COL27A1: variants seen among roughly 807,000 people sequenced by gnomAD.
COL27A1 encodes collagen type XXVII alpha 1 chain.
COL27A1 carries 106 observed loss-of-function variants against 251.3 expected under a neutral mutation model. The observed-to-expected ratio is 0.42, with a 90% CI of 0.36 to 0.50. The LOEUF (loss-of-function observed/expected upper bound fraction) is 0.50. Among genes scored for constraint, COL27A1 ranks in the 20% least tolerant of loss-of-function variants. The probability of loss-of-function intolerance (pLI) is 0.00; values close to 1 mark genes in which losing one functional copy is unlikely to be tolerated. For missense variants in COL27A1, 2,325 were observed against 2,522.8 expected (o/e 0.92, Z 1.68); for synonymous variants, 1,000 against 986.3 (o/e 1.01, Z -0.26).
At chr9:114,207,954 G>A (rs1048965703) in intron 10 of COL27A1, among the ~76,000 whole-genome samples, 7 of 152,238 alleles carry the variant, frequency 4.6e-5, no homozygotes, top group African/African-American at 1.7e-4. Flanking sequence ...AAGGAGAGAT[G>A]GTTGTGAGCC....
At chr9:114,293,232 CAGAG>C (rs1169190696) in intron 49 of COL27A1, among the ~76,000 whole-genome samples, 2 of 152,092 alleles carry the variant, frequency 1.3e-5, no homozygotes, top group Non-Finnish European at 1.5e-5. Context: ...AAATCAATAA[CAGAG>C]AGATCTGAAA....
chr9:114,156,660 G>T (rs561903613), intron 1 of COL27A1, among the ~76,000 whole-genome samples: 23 of 152,226 alleles, frequency 1.5e-4, no homozygotes, highest in South Asian at 8.3e-4. Context: ...AGCAGAAAGG[G>T]CCCTGGGCGA....
intron 2 of COL27A1, among the ~76,000 whole-genome samples, chr9:114,163,966 C>T (rs1384460789): frequency 6.6e-6 from 1 of 152,146 alleles, no homozygotes; most frequent in Non-Finnish European, 1.5e-5. Context: ...GGGCTGAATT[C>T]ATTCCCCTGT....
intron 27 of COL27A1, among the ~76,000 whole-genome samples, 196 bp downstream of exon 27, chr9:114,253,128 C>G (rs1295558519): frequency 6.6e-6 from 1 of 152,196 alleles, no homozygotes; most frequent in Non-Finnish European, 1.5e-5. Flanking sequence ...GGCGTGGTGA[C>G]ACGCACTTGT....
chr9:114,292,198 C>T lies in COL27A1; in HGVS notation c.4572C>T (p.Ser1524=). 1 of 1,554,576 alleles carries T rather than the reference C, an allele frequency of 6.4e-7. No individual in the cohort carries two copies. The highest frequency in any genetic ancestry group is 8.7e-7 in the Non-Finnish European group (1 of 1,148,902). ...GLPGNQGEPG[S]KGQPGDSGEM... ...CTGGAAACCAGGGGGAGCCTGGGTCCAAAGGCCAGCCGGTGAGTGAGCGCC... is the reference window on the plus strand; with the variant it reads ...CTGGAAACCAGGGGGAGCCTGGGTCTAAAGGCCAGCCGGTGAGTGAGCGCC... Residue 1524 remains serine, a synonymous_variant, in exon 49 of 61, where the codon TCC becomes TCT. Coordinates refer to ENST00000356083, the MANE Select transcript of COL27A1 (RefSeq NM_032888.4).
Position 114,288,762 on chromosome 9 carries a change from A to G in COL27A1, c.4098+7A>G, listed in dbSNP as rs555349868. 1.2e-6 allele frequency: 2 copies of G among 1,609,512 alleles called. No homozygotes were observed. The highest frequency in any genetic ancestry group is 1.7e-5 in the Admixed American group (1 of 59,870). On this transcript the variant is annotated splice_region_variant and intron_variant, in intron 43 of 60. Transcript: ENST00000356083. The stretch of plus-strand genomic sequence containing the variant: ...GGGAGACCCTGGGTACCCTGTAAGT[A>G]TCAGAGCTCCTACCTGCTGGCAGGA...
intron 13 of COL27A1, among the ~76,000 whole-genome samples, chr9:114,220,227 G>A (rs1830989488): frequency 1.3e-5 from 2 of 152,210 alleles, no homozygotes; most frequent in Non-Finnish European, 2.9e-5. Flanking sequence ...TCTGCAGGCC[G>A]TGTTTGGAGA....
chr9:114,204,982 C>T lies in COL27A1; in HGVS notation c.2125-120C>T, dbSNP rs55724166. On this transcript the variant is annotated intron_variant, in intron 7 of 60. Transcript: ENST00000356083. The stretch of plus-strand genomic sequence containing the variant: ...CTGGGGAACCTTTACTGAGTGCACA[C>T]TCCATCCCGGATGCAGTACATACGG... The T allele has an allele frequency of 5.4e-5, 46 of 859,548 alleles. No individual in the cohort carries two copies. The African/African-American group carries it at 6.0e-4, about 11-fold the overall frequency. The allele number at this position is 859,548 out of a possible 1,614,324, so 53.2% of individuals were successfully genotyped here.
intron 28 of COL27A1, among the ~76,000 whole-genome samples, chr9:114,262,231 T>A (rs1446929781): frequency 6.6e-6 from 1 of 152,188 alleles, no homozygotes; most frequent in Non-Finnish European, 1.5e-5. Flanking sequence ...TTAAGCCTAA[T>A]GACGTGGTGT....
chr9:114,257,248 C>T (rs184811653), intron 27 of COL27A1, among the ~76,000 whole-genome samples: 239 of 152,066 alleles, frequency 1.6e-3, no homozygotes, highest in African/African-American at 3.5e-3. Flanking sequence ...AAAAGGAGCA[C>T]GCCCAGTCTG....
At chr9:114,300,327 G>A in intron 50 of COL27A1, 1 of 608,836 alleles carries the variant, frequency 1.6e-6, no homozygotes, top group African/African-American at 1.9e-5. Flanking sequence ...TCTGTGCCTT[G>A]CAAAGTCACT....
At chr9:114,230,274 C>G (rs939325635) in intron 14 of COL27A1, among the ~76,000 whole-genome samples, 11 of 152,186 alleles carry the variant, frequency 7.2e-5, no homozygotes, top group Non-Finnish European at 8.8e-5. Flanking sequence ...GGGAGAGAGA[C>G]AGAGGGACGG....
intron 2 of COL27A1, 137 bp from the exon 3 acceptor site, chr9:114,167,552 A>AT: frequency 1.3e-6 from 1 of 754,678 alleles, no homozygotes; most frequent in Non-Finnish European, 2.2e-6. Flanking sequence ...GGGCGGTGTC[A>AT]TTTTTAGATG....
Position 114,205,765 on chromosome 9 carries a change from C to G in COL27A1, c.2176C>G (p.Pro726Ala). 1 of 1,614,014 alleles carries G rather than the reference C, an allele frequency of 6.2e-7. No homozygotes were observed. The highest frequency in any genetic ancestry group is 8.5e-7 in the Non-Finnish European group (1 of 1,179,870). The change falls in exon 9 of 61, where the codon CCA becomes GCA. Residue 726 changes from proline (P) to alanine (A), a missense_variant. Physicochemically the swap from Pro to Ala is conservative, Grantham distance 27 (BLOSUM62 -1). Around this residue, in one of 4 missense-constraint regions of COL27A1, gnomAD observed 1,183 missense variants for 1,144.1 expected, o/e 1.03. Coordinates refer to ENST00000356083, the MANE Select transcript of COL27A1 (RefSeq NM_032888.4). Reference sequence around the variant, plus strand: ...TCTCTCTGTTCCTTTGCAGGGGCAGCCAGGACCTGAGGGCAGCCCAGGGGC... The same window carrying G: ...TCTCTCTGTTCCTTTGCAGGGGCAGGCAGGACCTGAGGGCAGCCCAGGGGC... ...PAGHPGEQGQ[P>A]GPEGSPGAKG...
chr9:114,216,093 C>A (rs1174130421), intron 12 of COL27A1, among the ~76,000 whole-genome samples: 1 of 152,238 alleles, frequency 6.6e-6, no homozygotes, highest in Non-Finnish European at 1.5e-5. Context: ...AGGACCGTCC[C>A]TGTCCTCAGC....
Position 114,290,935 on chromosome 9 carries a change from A to G in COL27A1, c.4476+18A>G, listed in dbSNP as rs1249738. 0.35 allele frequency: 532,676 copies of G among 1,522,588 alleles called. 99,888 individuals carry two copies. The highest frequency in any genetic ancestry group is 0.6 in the East Asian group (24,476 of 40,734). 94.3% of individuals were successfully genotyped at this position (1,522,588 alleles called of 1,614,324 possible). A position where few individuals can be genotyped will look rare whatever the true frequency, so the allele number is the denominator to read the frequency against. On this transcript the variant is annotated intron_variant, in intron 48 of 60. Transcript: ENST00000356083. This position sits in a 1 kb window ranked among gnomAD's most constrained non-coding sequence, Gnocchi z 4.6. Reference sequence around the variant, plus strand: ...GATTCAAGGTCAGATACCTCTTAATACACTTACCCACCCTCTGCCCTTTCT... The same window carrying G: ...GATTCAAGGTCAGATACCTCTTAATGCACTTACCCACCCTCTGCCCTTTCT...
chr9:114,303,547 C>A (rs1356382124), intron 56 of COL27A1, among the ~76,000 whole-genome samples: 1 of 152,150 alleles, frequency 6.6e-6, no homozygotes, highest in Non-Finnish European at 1.5e-5. Flanking sequence ...GCTACAGGTG[C>A]TTTTCATGTA....
At position 114,155,819 on chromosome 9, in the gene COL27A1, C is replaced by T. The variant is rs1436818461; in HGVS notation, c.-132C>T. ...CTGCCTGCTCGGGCGCCCCTGGGCG[C>T]GGGGCTGCGCTGGGGGCGCGGGGGC... is the stretch of plus-strand genomic sequence containing the variant. On this transcript the variant is annotated 5_prime_UTR_variant, in exon 1 of 61. Coordinates refer to ENST00000356083, the MANE Select transcript of COL27A1 (RefSeq NM_032888.4). The surrounding 1 kb of genome is among the most constrained non-coding windows in gnomAD (Gnocchi z 5.5). The T allele has an allele frequency of 4.1e-6, 3 of 736,080 alleles. No homozygotes were observed. Among genetic ancestry groups the T allele is most frequent in the Non-Finnish European group, 5.0e-6 (3 of 603,210 alleles). The allele number at this position is 736,080 out of a possible 1,614,324, so 45.6% of individuals were successfully genotyped here. A position where few individuals can be genotyped will look rare whatever the true frequency, so the allele number is the denominator to read the frequency against.
chr9:114,180,893 G>A (rs1377172637), intron 4 of COL27A1, among the ~76,000 whole-genome samples: 1 of 152,244 alleles, frequency 6.6e-6, no homozygotes, highest in Non-Finnish European at 1.5e-5. Flanking sequence ...GGGGAGCTGA[G>A]TGCTCTGGCC....
Sources: allele counts gnomAD v4.1 joint callset (sites outside exome capture counted in the v4.1 genomes callset), GRCh38; gene constraint gnomAD v4.1.1; regional missense constraint gnomAD v4.1.1; non-coding constraint Gnocchi (gnomAD v3.1); transcripts MANE v1.5; gene names NCBI Gene and HGNC (gene_info 2026-07-23, HGNC 2026-07-21).